Variants in SHISA9 observed in about 807,000 individuals in gnomAD.
SHISA9 encodes the protein shisa family member 9.
A neutral mutation model predicts 38.0 loss-of-function variants in SHISA9; 13 were observed. The observed-to-expected ratio is 0.34, with a 90% CI of 0.22 to 0.54. SHISA9 has a LOEUF of 0.54. Among genes scored for constraint, SHISA9 ranks in the 20% least tolerant of loss-of-function variants. SHISA9 has a pLI of 0.91. For synonymous variants in SHISA9, 275 were observed against 242.0 expected, an observed-to-expected ratio of 1.14 and a Z score of -1.27; for missense variants, 538 against 575.8, an observed-to-expected ratio of 0.93 and a Z score of 0.67.
At chr16:13,266,358 T>C in the SHISA9 span, among the ~76,000 whole-genome samples, 1 of 152,224 alleles carries the variant, frequency 6.6e-6, no homozygotes, top group Admixed American at 6.5e-5. Flanking sequence ...TTTAGTTTTC[T>C]TATATGGGAA....
the SHISA9 span, among the ~76,000 whole-genome samples, chr16:13,551,995 C>G: frequency 5.9e-5 from 9 of 152,042 alleles, no homozygotes; most frequent in African/African-American, 1.9e-4. Flanking sequence ...CCACTGCACT[C>G]CAGCCTGGGT....
At chr16:13,031,791 C>T (rs1471734022) in intron 2 of SHISA9, among the ~76,000 whole-genome samples, 7 of 152,170 alleles carry the variant, frequency 4.6e-5, no homozygotes, top group Non-Finnish European at 1.0e-4. Context: ...ATTGATATAT[C>T]AGGAAACAAT....
the SHISA9 span, among the ~76,000 whole-genome samples, chr16:13,464,004 T>C: frequency 6.6e-6 from 1 of 152,250 alleles, no homozygotes; most frequent in Non-Finnish European, 1.5e-5. Flanking sequence ...AAGATCCAGG[T>C]TCTCTCAGAC....
chr16:13,181,312 T>TATATACAC (rs1555468744), intron 2 of SHISA9, among the ~76,000 whole-genome samples: 30 of 34,028 alleles, frequency 8.8e-4, no homozygotes, highest in African/African-American at 1.9e-3. Context: ...TATATATATA[T>TATATACAC]ACACACACAC....
chr16:12,905,236 T>C (rs1028492111), intron 1 of SHISA9, among the ~76,000 whole-genome samples: 14 of 152,176 alleles, frequency 9.2e-5, no homozygotes, highest in African/African-American at 3.4e-4. Context: ...AAATCATGGC[T>C]CAGGTGAGGT....
intron 2 of SHISA9, among the ~76,000 whole-genome samples, chr16:12,957,991 C>T (rs571865996): frequency 9.2e-5 from 14 of 152,314 alleles, no homozygotes; most frequent in Admixed American, 2.6e-4. Context: ...CAAATACCAT[C>T]GCAATGGGGA....
In SHISA9 at chr16:13,237,637, A is replaced by G. The variant is rs370585045; in HGVS notation, c.*2228A>G. On this transcript the variant is annotated 3_prime_UTR_variant, in exon 5 of 5. Coordinates refer to ENST00000558583, the MANE Select transcript of SHISA9 (RefSeq NM_001145204.3). ...ACACCACTGCCCTCTAGCCTGGGTG[A>G]CGGAGTGAGACTATCTCAAAAAAAA... 6 of 146,316 alleles carry G rather than the reference A, an allele frequency of 4.1e-5. No homozygotes were observed. The highest frequency in any genetic ancestry group is 7.1e-5 in the Admixed American group (1 of 14,072). 9.1% of individuals were successfully genotyped at this position (146,316 alleles called of 1,614,324 possible). A position where few individuals can be genotyped will look rare whatever the true frequency, so the allele number is the denominator to read the frequency against.
At chr16:13,152,678 A>G (rs1408037205) in intron 2 of SHISA9, among the ~76,000 whole-genome samples, 1 of 151,202 alleles carries the variant, frequency 6.6e-6, no homozygotes, top group East Asian at 1.9e-4. Flanking sequence ...CCAGGCAAGG[A>G]TGGAACACCC....
At chr16:12,953,960 C>A (rs2071794858) in intron 2 of SHISA9, among the ~76,000 whole-genome samples, 1 of 152,188 alleles carries the variant, frequency 6.6e-6, no homozygotes, top group East Asian at 1.9e-4. Flanking sequence ...GGGGAAACTG[C>A]CCCTAAGATC....
chr16:13,338,826 G>C, the SHISA9 span, among the ~76,000 whole-genome samples: 2,627 of 152,264 alleles, frequency 0.017, 31 homozygotes, highest in Middle Eastern at 0.034. Flanking sequence ...CAAAAGTCAC[G>C]ATAATGGAAG....
At chr16:13,473,089 T>C in the SHISA9 span, among the ~76,000 whole-genome samples, 1 of 152,186 alleles carries the variant, frequency 6.6e-6, no homozygotes, top group African/African-American at 2.4e-5. Flanking sequence ...GGATTCTGAC[T>C]AACTTTCTGT....
chr16:13,407,564 G>T, the SHISA9 span, among the ~76,000 whole-genome samples: 1 of 152,294 alleles, frequency 6.6e-6, no homozygotes, highest in East Asian at 1.9e-4. Context: ...GAACACTGTT[G>T]GTTTCCTAAC....
chr16:12,992,456 C>A (rs1041654651), intron 2 of SHISA9, among the ~76,000 whole-genome samples: 1 of 151,908 alleles, frequency 6.6e-6, no homozygotes, highest in African/African-American at 2.4e-5. Context: ...CGCTTGAACC[C>A]GGGAGGCAGA....
At chr16:13,207,616 G>T (rs1567248764) in intron 3 of SHISA9, among the ~76,000 whole-genome samples, 1 of 152,158 alleles carries the variant, frequency 6.6e-6, no homozygotes, top group African/African-American at 2.4e-5. Flanking sequence ...TCTGACCACT[G>T]TGAGAGTTCT....
the SHISA9 span, among the ~76,000 whole-genome samples, chr16:13,457,292 G>A: frequency 7.0e-6 from 1 of 142,232 alleles, no homozygotes; most frequent in African/African-American, 2.6e-5. Flanking sequence ...GGCAACAAGA[G>A]TGAAACTCTA....
the SHISA9 span, among the ~76,000 whole-genome samples, chr16:13,346,114 C>T: frequency 3.9e-5 from 6 of 152,272 alleles, no homozygotes; most frequent in Non-Finnish European, 5.9e-5. Context: ...ATCCTTCTTC[C>T]ACTCTCCTAC....
chr16:13,334,389 GC>G, the SHISA9 span, among the ~76,000 whole-genome samples: 2 of 152,206 alleles, frequency 1.3e-5, no homozygotes, highest in African/African-American at 4.8e-5. Flanking sequence ...AGTCCTGCTA[GC>G]AGAGGGTTCT....
At chr16:13,191,692 A>C (rs2050887127) in intron 2 of SHISA9, among the ~76,000 whole-genome samples, 1 of 152,174 alleles carries the variant, frequency 6.6e-6, no homozygotes, top group South Asian at 2.1e-4. Context: ...TTATTTCATT[A>C]TGTTGTCCTG....
chr16:13,302,719 C>T, the SHISA9 span, among the ~76,000 whole-genome samples: 7 of 152,296 alleles, frequency 4.6e-5, no homozygotes, highest in African/African-American at 7.2e-5. Context: ...CATGCGAGTA[C>T]GACTGATACA....
Sources: allele counts gnomAD v4.1 joint callset (sites outside exome capture counted in the v4.1 genomes callset), GRCh38; gene constraint gnomAD v4.1.1; transcripts MANE v1.5; gene names NCBI Gene and HGNC (gene_info 2026-07-23, HGNC 2026-07-21).